The following NOS2 variants were observed in gnomAD, a reference collection of about 807,000 sequenced individuals.
NOS2 encodes the protein nitric oxide synthase, inducible.
A neutral mutation model predicts 136.0 loss-of-function variants in NOS2; 96 were observed. The ratio of observed to expected loss-of-function variants is 0.71; its 90% CI spans 0.60 to 0.84. NOS2 has a LOEUF of 0.84. Among genes scored for constraint, NOS2 ranks in the 40% least tolerant of loss-of-function variants. The pLI, the probability that NOS2 is intolerant of heterozygous loss-of-function variation, is 0.00. For missense variants in NOS2, 1,237 were observed against 1,496.9 expected (o/e 0.83, Z 2.87); for synonymous variants, 539 against 587.5 (o/e 0.92, Z 1.20).
Position 27,788,868 on chromosome 17 carries a change from T to G in NOS2, c.259A>C (p.Ile87Leu). The change falls in exon 4 of 27, where the codon ATC becomes CTC. Residue 87 changes from isoleucine (I) to leucine (L), a missense_variant. Ile to Leu is a conservative substitution (Grantham distance 5). Transcript: ENST00000313735. Reference sequence around the variant, plus strand: ...GTCATCCCGCTGCCCCAGTTTTTGATCCTCACATGCCGTGGGGAGGACAAT... The same window carrying G: ...GTCATCCCGCTGCCCCAGTTTTTGAGCCTCACATGCCGTGGGGAGGACAAT... ...TPLSSPRHVR[I>L]KNWGSGMTFQ... 6.2e-7 allele frequency: 1 copy of G among 1,614,198 alleles called. No individual in the cohort carries two copies.
intron 15 of NOS2, among the ~76,000 whole-genome samples, chr17:27,770,440 C>T (rs1336423043): frequency 2.0e-5 from 3 of 152,162 alleles, no homozygotes; most frequent in African/African-American, 7.2e-5. Context: ...GAGCTGAGAT[C>T]GCACCATTGC....
At chr17:27,767,922 C>T (rs903515864) in intron 17 of NOS2, 85 bp from the exon 18 acceptor site, 11 of 1,542,818 alleles carry the variant, frequency 7.1e-6, no homozygotes, top group Middle Eastern at 4.6e-4. Flanking sequence ...TAGGCCCTTA[C>T]CATGGGCCAA....
At position 27,764,130 on chromosome 17, in the gene NOS2, T is replaced by C. The variant is rs201679949; in HGVS notation, c.2443A>G (p.Ser815Gly). ...GAGCAGGGGGGCAGCCTCTTGTCAC[T>C]GACCCAGTAGCTGCCTGGATGGGGA... is the stretch of plus-strand genomic sequence containing the variant. ...ALDESGSYWV[S>G]DKRLPPCSLS... Residue 815 changes from serine (S) to glycine (G), a missense_variant, in exon 21 of 27, where the codon AGT becomes GGT. By Grantham distance (56) the Ser-to-Gly change is moderately conservative. Coordinates refer to ENST00000313735, the MANE Select transcript of NOS2 (RefSeq NM_000625.4). The C allele has an allele frequency of 5.7e-5, 89 of 1,555,924 alleles. 1 individual carries two copies. In the South Asian group the frequency reaches 9.8e-4, roughly 17 times the overall value.
rs768834318 is a variant in NOS2 at position 27,781,073 on chromosome 17, C to G, written c.827G>C (p.Ser276Thr). The stretch of plus-strand genomic sequence containing the variant: ...CACGTTGGCAGGGTCCCCTCTGATG[C>G]TGCCATCTGGCATCTGGTAGCCAGC... ...RYAGYQMPDG[S>T]IRGDPANVEF... Residue 276 changes from serine (S) to threonine (T), a missense_variant, in exon 8 of 27, where the codon AGC (serine) becomes ACC (threonine). This residue lies in a region of NOS2 where 440 missense variants were observed against 545.4 expected (regional missense o/e 0.81). Coordinates refer to ENST00000313735, the MANE Select transcript of NOS2 (RefSeq NM_000625.4). 1.9e-6 allele frequency: 3 copies of G among 1,613,866 alleles called. No homozygotes were observed. The Admixed American group carries it at 5.0e-5, about 27-fold the overall frequency.
At chr17:27,781,982 G>GC in intron 7 of NOS2, 33 bp downstream of exon 7, 1 of 1,587,786 alleles carries the variant, frequency 6.3e-7, no homozygotes, top group African/African-American at 1.3e-5. Flanking sequence ...GGCAAGGCAA[G>GC]CCCCTCTGCA....
chr17:27,795,597 G>C (rs768448570), intron 2 of NOS2, among the ~76,000 whole-genome samples: 8 of 152,114 alleles, frequency 5.3e-5, no homozygotes, highest in Non-Finnish European at 5.9e-5. Flanking sequence ...CCCATGCAGG[G>C]GTCCCTCTGG....
intron 2 of NOS2, among the ~76,000 whole-genome samples, chr17:27,797,653 A>G (rs1909395898): frequency 6.6e-6 from 1 of 152,168 alleles, no homozygotes; most frequent in Admixed American, 6.5e-5. Flanking sequence ...TTGTGTGGCT[A>G]TGTGGTGGTC....
chr17:27,785,333 C>T (rs1235293821), intron 5 of NOS2, among the ~76,000 whole-genome samples: 1 of 152,082 alleles, frequency 6.6e-6, no homozygotes, highest in African/African-American at 2.4e-5. Context: ...ATCCCTGGAC[C>T]CCGAAAGGCT....
intron 16 of NOS2, 98 bp from the exon 17 acceptor site, chr17:27,769,249 C>A (rs1170217115): frequency 8.2e-7 from 1 of 1,216,486 alleles, no homozygotes; most frequent in Non-Finnish European, 1.1e-6. Context: ...CCCAGACTCT[C>A]CCCCTCCAGC....
Position 27,757,079 on chromosome 17 carries a change from A to C in NOS2, c.*167T>G, listed in dbSNP as rs1417999235. 1 of 570,512 alleles carries C rather than the reference A, an allele frequency of 1.8e-6. No individual in the cohort carries two copies. Among genetic ancestry groups the C allele is most frequent in the Non-Finnish European group, 3.1e-6 (1 of 326,716 alleles). 35.3% of individuals were successfully genotyped at this position (570,512 alleles called of 1,614,324 possible). On this transcript the variant is annotated 3_prime_UTR_variant, in exon 27 of 27. Coordinates refer to ENST00000313735, the MANE Select transcript of NOS2 (RefSeq NM_000625.4). ...CGATCAATCCAGGGTGCTACTTGTT[A>C]GGAGGTCAAGTAAAGGGCTTGATGG...
chr17:27,775,916 G>A (rs748243855), intron 11 of NOS2, among the ~76,000 whole-genome samples: 9 of 152,230 alleles, frequency 5.9e-5, no homozygotes, highest in African/African-American at 1.9e-4. Flanking sequence ...ATAAGGCATC[G>A]GCGTTATAGA....
chr17:27,774,310 CG>C lies in NOS2; in HGVS notation c.1422del (p.Val475CysfsTer7). On this transcript the variant is annotated frameshift_variant, in exon 12 of 27. Coordinates refer to ENST00000313735, the MANE Select transcript of NOS2 (RefSeq NM_000625.4). LOFTEE classifies it high-confidence loss of function. ...LVPPMSGSIT[P>X]VFHQEMLNYV... is the part of the protein sequence containing the mutation. ...TAGTTCAGCATCTCCTGGTGAAACA[CG>C]GGGGTGATGCTCCCAGACATGGGAG... The C allele has an allele frequency of 1.3e-6, 2 of 1,570,034 alleles. No homozygotes were observed. The highest frequency in any genetic ancestry group is 1.7e-6 in the Non-Finnish European group (2 of 1,159,376).
At chr17:27,770,852 C>A (rs1908468196) in intron 15 of NOS2, 61 bp downstream of exon 15, 2 of 1,289,288 alleles carry the variant, frequency 1.6e-6, no homozygotes, top group South Asian at 1.2e-5. Context: ...CCCCCAGACC[C>A]TTTCCTGGGT....
chr17:27,765,762 C>A, intron 19 of NOS2, 46 bp from the exon 20 acceptor site: 1 of 1,536,542 alleles, frequency 6.5e-7, no homozygotes, highest in South Asian at 1.3e-5. Flanking sequence ...AGGATTTCCT[C>A]CAGGGCTCCT....
intron 11 of NOS2, among the ~76,000 whole-genome samples, chr17:27,776,288 G>T (rs994209813): frequency 1.3e-5 from 2 of 152,156 alleles, no homozygotes; most frequent in African/African-American, 4.8e-5. Context: ...GTATATAAAA[G>T]TCCGGCCACC....
chr17:27,774,227 C>A, intron 12 of NOS2, 30 bp downstream of exon 12: 1 of 1,427,018 alleles, frequency 7.0e-7, no homozygotes, highest in Non-Finnish European at 9.2e-7. Context: ...TCTGAGCCCC[C>A]AGGAAGGAGA....
Position 27,798,896 on chromosome 17 carries a change from G to A in NOS2, c.-73-14C>T. ...TTCACTGTGGGGCTGAAGAAGGGAA[G>A]CAGAGGTGAGGGAAGGTTGAAGAAG... On this transcript the variant is annotated splice_polypyrimidine_tract_variant and intron_variant, in intron 1 of 26. Transcript: ENST00000313735. 2.4e-6 allele frequency: 2 copies of A among 849,242 alleles called. No individual in the cohort carries two copies. Among genetic ancestry groups the A allele is most frequent in the Non-Finnish European group, 4.0e-6 (2 of 495,446 alleles). 52.6% of individuals were successfully genotyped at this position (849,242 alleles called of 1,614,324 possible). A position where few individuals can be genotyped will look rare whatever the true frequency, so the allele number is the denominator to read the frequency against.
In NOS2 at chr17:27,758,950, C is replaced by T; in HGVS notation, c.3285G>A (p.Leu1095=). ...VRMARDVAHT[L]KQLVAAKLKL... ...TCAGCTTGGCAGCCACCAGCTGCTTCAGGGTGTGGGCCACGTCCCGGGCCA... is the reference window on the plus strand; with the variant it reads ...TCAGCTTGGCAGCCACCAGCTGCTTTAGGGTGTGGGCCACGTCCCGGGCCA... Residue 1095 remains leucine, a synonymous_variant, in exon 26 of 27, where the codon CTG becomes CTA. Coordinates refer to ENST00000313735, the MANE Select transcript of NOS2 (RefSeq NM_000625.4). 4 of 1,612,524 alleles carry T rather than the reference C, an allele frequency of 2.5e-6. No homozygotes were observed. The highest frequency in any genetic ancestry group is 3.4e-6 in the Non-Finnish European group (4 of 1,179,364).
At position 27,787,799 on chromosome 17, in the gene NOS2, G is replaced by A; in HGVS notation, c.346C>T (p.Leu116=). 1.2e-6 allele frequency: 2 copies of A among 1,612,550 alleles called. No homozygotes were observed. Among genetic ancestry groups the A allele is most frequent in the Non-Finnish European group, 1.7e-6 (2 of 1,179,354 alleles). The part of the protein sequence containing the change: ...GILTCRSKSC[L]GSIMTPKSLT... ...CTTTTGGGAGTCATAATGGACCCCA[G>A]GCAAGATTTGGACCTGCAAGTTAAA... Residue 116 remains leucine, a synonymous_variant, in exon 5 of 27, where the codon CTG becomes TTG. Transcript: ENST00000313735.
Sources: allele counts gnomAD v4.1 joint callset (sites outside exome capture counted in the v4.1 genomes callset), GRCh38; gene constraint gnomAD v4.1.1; regional missense constraint gnomAD v4.1.1; transcripts MANE v1.5; gene names NCBI Gene and HGNC (gene_info 2026-07-23, HGNC 2026-07-21).